The following ARHGAP27 variants were observed in gnomAD, a reference collection of about 807,000 sequenced individuals.
ARHGAP27 encodes the protein rho GTPase-activating protein 27.
ARHGAP27 carries 53 observed loss-of-function variants against 102.0 expected under a neutral mutation model. The ratio of observed to expected loss-of-function variants is 0.52; its 90% CI spans 0.42 to 0.65. The LOEUF (loss-of-function observed/expected upper bound fraction) is 0.65, where lower values mean the gene tolerates loss of function less well. Ranked by LOEUF, ARHGAP27 falls within the 30% of genes least tolerant of loss-of-function variation. The pLI is 0.00. For synonymous variants in ARHGAP27, 525 were observed against 542.8 expected, an observed-to-expected ratio of 0.97 and a Z score of 0.46; for missense variants, 1,117 against 1,256.2, an observed-to-expected ratio of 0.89 and a Z score of 1.68.
At chr17:45,425,554 G>C (rs2049514406) in intron 4 of ARHGAP27, 1 of 985,402 alleles carries the variant, frequency 1.0e-6, no homozygotes, top group Admixed American at 6.1e-5. Flanking sequence ...CCCCAGGGGC[G>C]AGGACTCACT....
At chr17:45,421,643 T>C (rs2049048582) in intron 4 of ARHGAP27, among the ~76,000 whole-genome samples, 1 of 152,144 alleles carries the variant, frequency 6.6e-6, no homozygotes, top group Admixed American at 6.5e-5. Flanking sequence ...AATATGTGTT[T>C]GATTAGGAAC....
At chr17:45,398,347 TG>T (rs1189622480) in intron 12 of ARHGAP27, among the ~76,000 whole-genome samples, 1 of 152,180 alleles carries the variant, frequency 6.6e-6, no homozygotes, top group African/African-American at 2.4e-5. Flanking sequence ...CTCAATTGTC[TG>T]GTACACTTTC....
rs2049150510 is a variant in ARHGAP27, at chr17:45,422,655, T to C, written c.657+6968A>G. ...AACGAAAGAACGCTCGAAATCTGCATCCTCCTGACAGCGTCGTAGTTAAAT... is the reference window on the plus strand; with the variant it reads ...AACGAAAGAACGCTCGAAATCTGCACCCTCCTGACAGCGTCGTAGTTAAAT... On this transcript the variant is annotated intron_variant, in intron 4 of 19. Transcript: ENST00000685559. 1.3e-5 allele frequency among the ~76,000 whole-genome samples: 2 copies of C among 152,112 alleles called. 1 individual carries two copies. Among genetic ancestry groups the C allele is most frequent in the South Asian group, 4.1e-4 (2 of 4,826 alleles).
Position 45,405,723 on chromosome 17 carries a change from A to G in ARHGAP27, c.1018T>C (p.Leu340=). The G allele has an allele frequency of 1.2e-6, 2 of 1,602,830 alleles. No homozygotes were observed. The highest frequency in any genetic ancestry group is 8.5e-7 in the Non-Finnish European group (1 of 1,179,364). Residue 340 remains leucine, a synonymous_variant, in exon 5 of 20, where the codon TTG becomes CTG. Coordinates refer to ENST00000685559, the MANE Select transcript of ARHGAP27 (RefSeq NM_001282290.2). ...DEAENEPEEE[L]EMQPGLSPGS... is the part of the protein sequence containing the mutation. ...GGGCTCAGGCCCGGCTGCATCTCCA[A>G]CTCCTCCTCGGGCTCGTTCTCGGCC...
At chr17:45,410,612 C>T (rs1039760569) in intron 4 of ARHGAP27, among the ~76,000 whole-genome samples, 3 of 152,142 alleles carry the variant, frequency 2.0e-5, no homozygotes, top group East Asian at 1.9e-4. Flanking sequence ...AGGAAGATCA[C>T]GGCCAGACCC....
intron 11 of ARHGAP27, 22 bp from the exon 12 acceptor site, chr17:45,402,840 C>T: frequency 4.4e-6 from 7 of 1,583,486 alleles, no homozygotes; most frequent in Non-Finnish European, 6.1e-6. Flanking sequence ...GGAGGAAGGT[C>T]ACAGGGAGCC....
rs1336064308 is a variant in ARHGAP27, at chr17:45,394,591, T to C, written c.*865A>G. 6.6e-6 allele frequency: 1 copy of C among 152,258 alleles called. No individual in the cohort carries two copies. The highest frequency in any genetic ancestry group is 2.1e-4 in the South Asian group (1 of 4,834). 9.4% of individuals were successfully genotyped at this position (152,258 alleles called of 1,614,324 possible). ...TTTTCACATAGGCCCAAAGGTTGGA[T>C]GGGTGGTAGCTGAAAGAACTGATTT... On this transcript the variant is annotated 3_prime_UTR_variant, in exon 20 of 20. Coordinates refer to ENST00000685559, the MANE Select transcript of ARHGAP27 (RefSeq NM_001282290.2).
At chr17:45,418,253 C>T (rs1189148534) in intron 4 of ARHGAP27, among the ~76,000 whole-genome samples, 2 of 132,862 alleles carry the variant, frequency 1.5e-5, no homozygotes, top group African/African-American at 5.6e-5. Context: ...CCTATTTGGA[C>T]ATTTTCATAA....
intron 12 of ARHGAP27, among the ~76,000 whole-genome samples, chr17:45,402,375 C>T (rs1338855580): frequency 6.6e-6 from 1 of 152,184 alleles, no homozygotes; most frequent in African/African-American, 2.4e-5. Context: ...GAGGGAACTG[C>T]AGAATATGTG....
chr17:45,404,579 C>A (rs908638030), intron 7 of ARHGAP27, 22 bp downstream of exon 7: 3 of 1,613,894 alleles, frequency 1.9e-6, no homozygotes, highest in Non-Finnish European at 2.5e-6. Context: ...TCCCCAACAC[C>A]CCCCTTTCCC....
intron 6 of ARHGAP27, 108 bp downstream of exon 6, chr17:45,404,816 A>G: frequency 6.5e-7 from 1 of 1,547,572 alleles, no homozygotes; most frequent in Non-Finnish European, 8.8e-7. Flanking sequence ...TGGCTGGTTT[A>G]GGCTCTGTGT....
chr17:45,430,085 G>A lies in ARHGAP27; in HGVS notation c.195C>T (p.Arg65=). 6.9e-7 allele frequency: 1 copy of A among 1,442,656 alleles called. No homozygotes were observed. Among genetic ancestry groups the A allele is most frequent in the Non-Finnish European group, 9.0e-7 (1 of 1,109,140 alleles). 89.4% of individuals were successfully genotyped at this position (1,442,656 alleles called of 1,614,324 possible). Residue 65 remains arginine, a synonymous_variant, in exon 4 of 20, where the codon CGC becomes CGT. Transcript: ENST00000685559. The surrounding 1 kb of genome is among the most constrained non-coding windows in gnomAD (Gnocchi z 4.4). ...CAGGGTTGCCCAGCGCGGGCAGCTC[G>A]CGCACGTACTGCGCAGGCAGGTAGA... ...RPFYLPAQYV[R]ELPALGNPAA...
chr17:45,416,882 C>T (rs1445657901), intron 4 of ARHGAP27, among the ~76,000 whole-genome samples: 4 of 148,412 alleles, frequency 2.7e-5, no homozygotes, highest in Non-Finnish European at 4.5e-5. Context: ...TGGCCGGGCG[C>T]GGTGGCTCAT....
Position 45,404,084 on chromosome 17 carries a change from C to A in ARHGAP27, c.1492G>T (p.Asp498Tyr), listed in dbSNP as rs751484626. ...ATAAVRTKTL[D>Y]KAGVLHRTKT... ...GTGCGATGGAGCACCCCTGCCTTGT[C>A]CAAGGTCTTGGTCTAAGAGAGAGAA... The change falls in exon 10 of 20, where the codon GAC becomes TAC. Residue 498 changes from aspartate (D) to tyrosine (Y), a missense_variant. Coordinates refer to ENST00000685559, the MANE Select transcript of ARHGAP27 (RefSeq NM_001282290.2). 4 of 1,614,018 alleles carry A rather than the reference C, an allele frequency of 2.5e-6. No individual in the cohort carries two copies. The highest frequency in any genetic ancestry group is 1.3e-5 in the African/African-American group (1 of 74,904).
At chr17:45,402,876 C>T in intron 11 of ARHGAP27, 58 bp from the exon 12 acceptor site, 1 of 1,420,092 alleles carries the variant, frequency 7.0e-7, no homozygotes, top group Non-Finnish European at 9.9e-7. Flanking sequence ...TCTGCTGTGG[C>T]ACTCTGACCC....
intron 5 of ARHGAP27, 64 bp downstream of exon 5, chr17:45,405,612 G>A: frequency 6.6e-7 from 1 of 1,512,098 alleles, no homozygotes. Context: ...TGGGCCTCTG[G>A]GAGCAGGAGG....
At chr17:45,419,512 GTATATATATATATATATATATATATATA>G (rs71136087) in intron 4 of ARHGAP27, among the ~76,000 whole-genome samples, 4 of 119,792 alleles carry the variant, frequency 3.3e-5, no homozygotes, top group South Asian at 2.7e-4. Context: ...TATGCTGTAT[GTATATATATATATATATATATATATATA>G]TATATATATA....
intron 5 of ARHGAP27, 77 bp downstream of exon 5, chr17:45,405,599 C>G: frequency 6.8e-7 from 1 of 1,474,568 alleles, no homozygotes; most frequent in Non-Finnish European, 9.0e-7. Flanking sequence ...ACCCGTGTGT[C>G]CCTGGGCCTC....
chr17:45,394,690 GC>G lies in ARHGAP27; in HGVS notation c.*765del, dbSNP rs2045388747. 6.6e-6 allele frequency: 1 copy of G among 152,360 alleles called. No homozygotes were observed. Among genetic ancestry groups the G allele is most frequent in the African/African-American group, 2.4e-5 (1 of 41,474 alleles). 9.4% of individuals were successfully genotyped at this position (152,360 alleles called of 1,614,324 possible). On this transcript the variant is annotated 3_prime_UTR_variant, in exon 20 of 20. Coordinates refer to ENST00000685559, the MANE Select transcript of ARHGAP27 (RefSeq NM_001282290.2). ...AATGAGGTCACTCACTGGACCTTGA[GC>G]AAGTCACACTGCTGCTGCAGGCCTC...
Sources: gnomAD v4.1 joint callset for allele counts (sites outside exome capture counted in the v4.1 genomes callset) on GRCh38, gnomAD v4.1.1 for gene constraint, Gnocchi (gnomAD v3.1) non-coding constraint, MANE v1.5 for transcripts, NCBI Gene and HGNC (gene_info 2026-07-23, HGNC 2026-07-21) for gene names.